The following FAR2 variants were observed in gnomAD, a reference collection of about 807,000 sequenced individuals.
FAR2 encodes epididymis secretory protein Li 81.
FAR2 carries 19 observed loss-of-function variants against 56.0 expected under a neutral mutation model. The observed-to-expected ratio is 0.34, with a 90% confidence interval of 0.24 to 0.50. The LOEUF (loss-of-function observed/expected upper bound fraction) is 0.50. Ranked by LOEUF, FAR2 falls within the 20% of genes least tolerant of loss-of-function variation. The pLI, the probability that FAR2 is intolerant of heterozygous loss-of-function variation, is 0.98. For missense variants in FAR2, 508 were observed against 642.2 expected (o/e 0.79, Z 2.26); for synonymous variants, 219 against 218.8 (o/e 1.00, Z -0.01).
intron 1 of FAR2, among the ~76,000 whole-genome samples, chr12:29,212,804 C>T (rs1451858059): frequency 6.6e-6 from 1 of 152,222 alleles, no homozygotes; most frequent in Non-Finnish European, 1.5e-5. Context: ...TTAGCAGAAT[C>T]GTTTTTGCAG....
Position 29,311,054 on chromosome 12 carries a change from A to G in FAR2, c.795A>G (p.Ile265Met), listed in dbSNP as rs1949341682. 1.2e-6 allele frequency: 2 copies of G among 1,613,508 alleles called. No individual in the cohort carries two copies. The highest frequency in any genetic ancestry group is 1.7e-6 in the Non-Finnish European group (2 of 1,179,508). Residue 265 changes from isoleucine to methionine, a missense_variant, in exon 7 of 12, where the codon ATA (isoleucine) becomes ATG (methionine). By Grantham distance (10) the Ile-to-Met change is conservative (BLOSUM62 1). Coordinates refer to ENST00000536681, the MANE Select transcript of FAR2 (RefSeq NM_001271783.2). Reference protein sequence around the residue: ...IATGKGFLRAIKATPMAVADV... With the variant: ...IATGKGFLRAMKATPMAVADV... ...CTGGGAAAGGGTTTCTTCGGGCCAT[A>G]AAAGCTACTCCAATGGCTGTGGCAG...
At chr12:29,226,715 C>T (rs188191684) in intron 1 of FAR2, among the ~76,000 whole-genome samples, 2 of 152,216 alleles carry the variant, frequency 1.3e-5, no homozygotes, top group African/African-American at 4.8e-5. Flanking sequence ...TCACTTTAGT[C>T]CTAGTCCCAT....
intron 1 of FAR2, among the ~76,000 whole-genome samples, chr12:29,225,844 A>G (rs1947760044): frequency 6.6e-6 from 1 of 152,216 alleles, no homozygotes; most frequent in Admixed American, 6.5e-5. Flanking sequence ...TTTCCAAACA[A>G]AGGACTATGG....
intron 1 of FAR2, among the ~76,000 whole-genome samples, chr12:29,251,126 T>C (rs1948202978): frequency 6.6e-6 from 1 of 152,222 alleles, no homozygotes; most frequent in African/African-American, 2.4e-5. Context: ...CTATTAATCT[T>C]ACTTGATCTG....
intron 1 of FAR2, among the ~76,000 whole-genome samples, chr12:29,222,622 T>G (rs1341795690): frequency 4.0e-5 from 6 of 149,802 alleles, no homozygotes; most frequent in South Asian, 2.1e-4. Flanking sequence ...GATATCACTC[T>G]AGATATCAAG....
intron 1 of FAR2, among the ~76,000 whole-genome samples, chr12:29,161,728 A>C (rs977301261): frequency 6.6e-6 from 1 of 152,246 alleles, no homozygotes. Context: ...TGATCGTTCA[A>C]GTAATACTCC....
rs187897125 is a variant in FAR2 at position 29,195,863 on chromosome 12, G to A, written c.-39+46456G>A. Reference sequence around the variant, plus strand: ...ATTTCTCATCCCTTACCTTCCCCTCGTCCTTCTGAGTCCCCATTGTCTATC... The same window carrying A: ...ATTTCTCATCCCTTACCTTCCCCTCATCCTTCTGAGTCCCCATTGTCTATC... On this transcript the variant is annotated intron_variant, in intron 1 of 11. Transcript: ENST00000536681. Among the ~76,000 whole-genome samples, 64 of 151,828 alleles carry A rather than the reference G, an allele frequency of 4.2e-4. 1 individual carries two copies. The highest frequency in any genetic ancestry group is 1.3e-3 in the African/African-American group (54 of 41,402).
intron 1 of FAR2, among the ~76,000 whole-genome samples, chr12:29,212,265 T>C (rs541331038): frequency 1.3e-5 from 2 of 152,240 alleles, no homozygotes; most frequent in East Asian, 3.9e-4. Context: ...ATGAATATGT[T>C]CTTTTAGAAA....
At chr12:29,250,585 A>C (rs1259466645) in intron 1 of FAR2, among the ~76,000 whole-genome samples, 1 of 152,208 alleles carries the variant, frequency 6.6e-6, no homozygotes, top group African/African-American at 2.4e-5. Flanking sequence ...AATTTTTGAA[A>C]GATGGCATTA....
At chr12:29,239,423 G>A (rs562857948) in intron 1 of FAR2, among the ~76,000 whole-genome samples, 1 of 150,946 alleles carries the variant, frequency 6.6e-6, no homozygotes, top group Non-Finnish European at 1.5e-5. Context: ...TAGATTATCT[G>A]GCCAATGTGC....
At chr12:29,199,629 C>G (rs978281274) in intron 1 of FAR2, among the ~76,000 whole-genome samples, 57 of 141,778 alleles carry the variant, frequency 4.0e-4, no homozygotes, top group African/African-American at 1.4e-3. Flanking sequence ...AGAAAAGAAA[C>G]AAACAAACAA....
rs952447784 is a variant in FAR2, at chr12:29,186,820, G to A, written c.-39+37413G>A. Among the ~76,000 whole-genome samples the A allele has an allele frequency of 2.7e-5, 4 of 150,856 alleles. No individual in the cohort carries two copies. The South Asian group carries it at 6.3e-4, about 24-fold the overall frequency. ...TTTATTTATTTTGAGACGGAGTCTCGCTCTGTCGCCCAGGCTGGAGTGCAG... is the reference window on the plus strand; with the variant it reads ...TTTATTTATTTTGAGACGGAGTCTCACTCTGTCGCCCAGGCTGGAGTGCAG... On this transcript the variant is annotated intron_variant, in intron 1 of 11. Coordinates refer to ENST00000536681, the MANE Select transcript of FAR2 (RefSeq NM_001271783.2).
At chr12:29,297,367 A>T (rs1209608429) in intron 4 of FAR2, among the ~76,000 whole-genome samples, 167 bp downstream of exon 4, 1 of 152,166 alleles carries the variant, frequency 6.6e-6, no homozygotes, top group Non-Finnish European at 1.5e-5. Context: ...TCTGGTGGGG[A>T]ATATACTGCT....
rs149312220 is a variant in FAR2, at chr12:29,297,169, G to A, written c.514G>A (p.Val172Met). 1.9e-6 allele frequency: 3 copies of A among 1,612,026 alleles called. No individual in the cohort carries two copies. Among genetic ancestry groups the A allele is most frequent in the South Asian group, 1.1e-5 (1 of 90,626 alleles). Residue 172 changes from valine to methionine, a missense_variant, in exon 4 of 12, where the codon GTG (valine) becomes ATG (methionine). Coordinates refer to ENST00000536681, the MANE Select transcript of FAR2 (RefSeq NM_001271783.2). ...CGATGAAGTTATCTATCCGTGCCCTGTGGAGCCAAAAAAAATCATTGATTC... is the reference window on the plus strand; with the variant it reads ...CGATGAAGTTATCTATCCGTGCCCTATGGAGCCAAAAAAAATCATTGATTC... The part of the protein sequence containing the change: ...HIDEVIYPCP[V>M]EPKKIIDSLE...
intron 1 of FAR2, among the ~76,000 whole-genome samples, chr12:29,167,006 G>C (rs1265294653): frequency 6.6e-6 from 1 of 152,148 alleles, no homozygotes; most frequent in Admixed American, 6.5e-5. Context: ...CTTGCCAACT[G>C]CTTCTATTCC....
At chr12:29,155,633 A>G (rs1949719967) in intron 1 of FAR2, among the ~76,000 whole-genome samples, 1 of 152,210 alleles carries the variant, frequency 6.6e-6, no homozygotes, top group South Asian at 2.1e-4. Flanking sequence ...ACATGGGAAA[A>G]ATTATAGGAA....
At chr12:29,227,223 G>C (rs1384732128) in intron 1 of FAR2, among the ~76,000 whole-genome samples, 1 of 152,120 alleles carries the variant, frequency 6.6e-6, no homozygotes. Flanking sequence ...GATGCTGAGA[G>C]CTGGTAAAAC....
chr12:29,264,831 G>A (rs531574714), intron 1 of FAR2, among the ~76,000 whole-genome samples: 1 of 151,480 alleles, frequency 6.6e-6, no homozygotes, highest in East Asian at 1.9e-4. Context: ...CAGTAAAGTT[G>A]CAAGATACCA....
chr12:29,254,432 T>C (rs939990497), intron 1 of FAR2, among the ~76,000 whole-genome samples: 1 of 152,182 alleles, frequency 6.6e-6, no homozygotes, highest in Non-Finnish European at 1.5e-5. Context: ...ACTCCTGAGC[T>C]CAAGCAATCC....
Sources: gnomAD v4.1 joint callset for allele counts (sites outside exome capture counted in the v4.1 genomes callset) on GRCh38, gnomAD v4.1.1 for gene constraint, MANE v1.5 for transcripts, NCBI Gene and HGNC (gene_info 2026-07-23, HGNC 2026-07-21) for gene names.